ZNF385B: variants seen among roughly 807,000 people sequenced by gnomAD.
ZNF385B encodes zinc finger protein 385B.
In ZNF385B, 23 loss-of-function variants were observed where a neutral mutation model predicts 39.2. The ratio of observed to expected loss-of-function variants is 0.59; its 90% CI spans 0.42 to 0.83. ZNF385B has a LOEUF of 0.83. Ranked by LOEUF, ZNF385B falls within the 40% of genes least tolerant of loss-of-function variation. The probability of loss-of-function intolerance (pLI) is 0.00; values close to 1 mark genes in which losing one functional copy is unlikely to be tolerated. For missense variants in ZNF385B, 552 were observed against 598.9 expected, an observed-to-expected ratio of 0.92 and a Z score of 0.82; for synonymous variants, 205 against 222.6, an observed-to-expected ratio of 0.92 and a Z score of 0.70.
Position 179,652,259 on chromosome 2 carries a change from G to C in ZNF385B, c.299-107290C>G, listed in dbSNP as rs142232156. On this transcript the variant is annotated intron_variant, in intron 3 of 9. Transcript: ENST00000410066. ...CAGTTTCAATGAGTATGGTTCTAAAGTATAGGCTATAGGACGAATAAAAAG... is the reference window on the plus strand; with the variant it reads ...CAGTTTCAATGAGTATGGTTCTAAACTATAGGCTATAGGACGAATAAAAAG... 6.8e-3 allele frequency among the ~76,000 whole-genome samples: 1,041 copies of C among 152,204 alleles called. 11 individuals are homozygous for C. Among genetic ancestry groups the C allele is most frequent in the African/African-American group, 0.024 (999 of 41,532 alleles).
Position 179,446,710 on chromosome 2 carries a change from G to A in ZNF385B, c.776C>T (p.Ser259Leu). 6.2e-7 allele frequency: 1 copy of A among 1,614,130 alleles called. No individual in the cohort carries two copies. The highest frequency in any genetic ancestry group is 8.5e-7 in the Non-Finnish European group (1 of 1,179,998). The change falls in exon 7 of 10, where the codon TCA becomes TTA. Residue 259 changes from serine (S) to leucine (L), a missense_variant. Transcript: ENST00000410066. ...SSQPSSSESG[S>L]FLLKSGTTPL... Reference sequence around the variant, plus strand: ...TGTTGTGCCAGATTTGAGGAGAAATGAGCCACTTTCAGAGCTTGATGGCTG... The same window carrying A: ...TGTTGTGCCAGATTTGAGGAGAAATAAGCCACTTTCAGAGCTTGATGGCTG...
At chr2:179,842,193 C>A (rs1025370431) in intron 1 of ZNF385B, among the ~76,000 whole-genome samples, 1 of 152,104 alleles carries the variant, frequency 6.6e-6, no homozygotes, top group African/African-American at 2.4e-5. Context: ...TATATAAACA[C>A]CCCTGGGATT....
At chr2:179,721,704 T>C (rs1350622204) in intron 3 of ZNF385B, among the ~76,000 whole-genome samples, 5 of 129,354 alleles carry the variant, frequency 3.9e-5, no homozygotes, top group Non-Finnish European at 8.4e-5. Flanking sequence ...GTTAGTATAC[T>C]AGTAAGAAAA....
At chr2:179,662,157 G>A (rs1373538902) in intron 3 of ZNF385B, among the ~76,000 whole-genome samples, 1 of 152,148 alleles carries the variant, frequency 6.6e-6, no homozygotes, top group Non-Finnish European at 1.5e-5. Flanking sequence ...TTGCATGAAA[G>A]GACAGGAGAA....
At chr2:179,772,694 T>C (rs540289550) in intron 1 of ZNF385B, among the ~76,000 whole-genome samples, 2 of 152,106 alleles carry the variant, frequency 1.3e-5, no homozygotes, top group Non-Finnish European at 2.9e-5. Flanking sequence ...TAACAGTGAG[T>C]TTAAATGGAA....
intron 4 of ZNF385B, among the ~76,000 whole-genome samples, chr2:179,541,450 T>G (rs1432302525): frequency 6.6e-6 from 1 of 152,206 alleles, no homozygotes; most frequent in Non-Finnish European, 1.5e-5. Context: ...TTTAAAAATC[T>G]ACTTAAAGAG....
chr2:179,726,461 C>CT (rs1701026448), intron 3 of ZNF385B, among the ~76,000 whole-genome samples: 1 of 152,022 alleles, frequency 6.6e-6, no homozygotes, highest in Non-Finnish European at 1.5e-5. Context: ...TTTTCTGGGC[C>CT]TCTGTTGCTC....
At chr2:179,682,868 G>A (rs1414730533) in intron 3 of ZNF385B, among the ~76,000 whole-genome samples, 1 of 152,150 alleles carries the variant, frequency 6.6e-6, no homozygotes, top group African/African-American at 2.4e-5. Flanking sequence ...TGTACTGTAG[G>A]TTAAGGGTTC....
chr2:179,775,200 A>G (rs77017047), intron 1 of ZNF385B, among the ~76,000 whole-genome samples: 1,975 of 152,342 alleles, frequency 0.013, 19 homozygotes, highest in Non-Finnish European at 0.021. Context: ...GGTATATTTC[A>G]TAATAGGATT....
chr2:179,591,021 A>C (rs569424346), intron 3 of ZNF385B, among the ~76,000 whole-genome samples: 34 of 152,090 alleles, frequency 2.2e-4, no homozygotes, highest in African/African-American at 7.2e-4. Context: ...TTAAGGTTTA[A>C]TGGGATGTTT....
intron 1 of ZNF385B, among the ~76,000 whole-genome samples, chr2:179,824,512 T>C (rs982451410): frequency 2.0e-5 from 3 of 152,112 alleles, no homozygotes; most frequent in Non-Finnish European, 4.4e-5. Flanking sequence ...ATAATGACAT[T>C]AGTAAAACAT....
intron 3 of ZNF385B, among the ~76,000 whole-genome samples, chr2:179,579,557 A>T (rs1686242592): frequency 6.6e-6 from 1 of 152,108 alleles, no homozygotes; most frequent in South Asian, 2.1e-4. Context: ...TATATAAATA[A>T]ATGTGCACAA....
intron 3 of ZNF385B, among the ~76,000 whole-genome samples, chr2:179,567,072 C>T (rs1208218627): frequency 6.6e-6 from 1 of 152,056 alleles, no homozygotes; most frequent in Non-Finnish European, 1.5e-5. Context: ...CCAGCCACCA[C>T]ACCTGGCTAA....
intron 3 of ZNF385B, among the ~76,000 whole-genome samples, chr2:179,665,180 C>T (rs1046572269): frequency 6.6e-6 from 1 of 152,136 alleles, no homozygotes; most frequent in African/African-American, 2.4e-5. Flanking sequence ...TGATCACTGT[C>T]ACAATGCTAA....
intron 5 of ZNF385B, among the ~76,000 whole-genome samples, chr2:179,487,948 A>T (rs538931661): frequency 5.9e-5 from 9 of 152,242 alleles, no homozygotes; most frequent in Non-Finnish European, 1.2e-4. Context: ...ACAACTTGGA[A>T]TGTTTTCTTC....
chr2:179,627,048 T>G (rs545365439), intron 3 of ZNF385B, among the ~76,000 whole-genome samples: 1 of 152,194 alleles, frequency 6.6e-6, no homozygotes, highest in Admixed American at 6.5e-5. Flanking sequence ...CCAGATCACA[T>G]TGGACAGAAA....
chr2:179,771,429 T>A (rs1262290065), intron 1 of ZNF385B, among the ~76,000 whole-genome samples: 1 of 152,196 alleles, frequency 6.6e-6, no homozygotes, highest in Non-Finnish European at 1.5e-5. Flanking sequence ...CAAAACCTAC[T>A]TGTCCCTTTT....
At chr2:179,856,588 C>T (rs1354210500) in intron 1 of ZNF385B, among the ~76,000 whole-genome samples, 2 of 142,790 alleles carry the variant, frequency 1.4e-5, no homozygotes, top group Non-Finnish European at 3.0e-5. Flanking sequence ...AGCCAAGGCA[C>T]CTGAAGAGAA....
At chr2:179,718,373 ATATAT>A (rs1490286159) in intron 3 of ZNF385B, among the ~76,000 whole-genome samples, 1 of 147,962 alleles carries the variant, frequency 6.8e-6, no homozygotes, top group Admixed American at 6.8e-5. Context: ...TTTTTATCTT[ATATAT>A]TATATATTAT....
Sources: allele counts gnomAD v4.1 joint callset (sites outside exome capture counted in the v4.1 genomes callset), GRCh38; gene constraint gnomAD v4.1.1; transcripts MANE v1.5; gene names NCBI Gene and HGNC (gene_info 2026-07-23, HGNC 2026-07-21).